VPS13A: variants seen among roughly 807,000 people sequenced by gnomAD.
The protein encoded by VPS13A is intermembrane lipid transfer protein VPS13A.
VPS13A carries 264 observed loss-of-function variants against 390.9 expected under a neutral mutation model. That is an observed-to-expected ratio of 0.68 (90% CI 0.61 to 0.75). The LOEUF (loss-of-function observed/expected upper bound fraction) is 0.75, where lower values mean the gene tolerates loss of function less well. Among genes scored for constraint, VPS13A ranks in the 30% least tolerant of loss-of-function variants. VPS13A has a pLI of 0.00. For missense variants in VPS13A, 3,409 were observed against 3,733.9 expected, an observed-to-expected ratio of 0.91 and a Z score of 2.27; for synonymous variants, 1,231 against 1,227.1, an observed-to-expected ratio of 1.00 and a Z score of -0.07.
At chr9:77,231,883 C>T (rs1459052931) in intron 17 of VPS13A, among the ~76,000 whole-genome samples, 3 of 152,092 alleles carry the variant, frequency 2.0e-5, no homozygotes, top group Non-Finnish European at 4.4e-5. Context: ...ATACTTCTGT[C>T]GCTTACATAT....
intron 23 of VPS13A, among the ~76,000 whole-genome samples, chr9:77,273,015 G>C (rs369435965): frequency 6.6e-6 from 1 of 152,082 alleles, no homozygotes; most frequent in South Asian, 2.1e-4. Flanking sequence ...TAAAATATAA[G>C]ATCTGTTTCT....
chr9:77,295,269 A>G (rs1290427720), intron 32 of VPS13A, among the ~76,000 whole-genome samples: 1 of 152,144 alleles, frequency 6.6e-6, no homozygotes, highest in African/African-American at 2.4e-5. Context: ...GGAAAGTGAG[A>G]TAAGGGAAGT....
At chr9:77,362,913 G>A (rs2131570747) in intron 59 of VPS13A, among the ~76,000 whole-genome samples, 1 of 151,866 alleles carries the variant, frequency 6.6e-6, no homozygotes, top group South Asian at 2.1e-4. Flanking sequence ...TTTTTGGATT[G>A]TTCATTGCTA....
At chr9:77,215,826 T>A (rs1314586741) in intron 10 of VPS13A, among the ~76,000 whole-genome samples, 1 of 152,248 alleles carries the variant, frequency 6.6e-6, no homozygotes, top group African/African-American at 2.4e-5. Context: ...CTTCACTCTC[T>A]GGAACTTTCT....
At position 77,220,337 on chromosome 9, in the gene VPS13A, A is replaced by C; in HGVS notation, c.943A>C (p.Arg315=). 1 of 1,612,626 alleles carries C rather than the reference A, an allele frequency of 6.2e-7. No homozygotes were observed. The highest frequency in any genetic ancestry group is 8.5e-7 in the Non-Finnish European group (1 of 1,179,280). ...TATGATGGCACAAAATCTGCCATAT[A>C]GGAAGTTCAAACCTGATGTGCCTCT... is the stretch of plus-strand genomic sequence containing the variant. The part of the protein sequence containing the change: ...VDMMAQNLPY[R]KFKPDVPLHH... Residue 315 remains arginine, a synonymous_variant, in exon 12 of 72, where the codon AGG becomes CGG. Coordinates refer to ENST00000360280, the MANE Select transcript of VPS13A (RefSeq NM_033305.3).
chr9:77,414,120 A>C (rs1835064678), intron 71 of VPS13A, among the ~76,000 whole-genome samples: 1 of 152,212 alleles, frequency 6.6e-6, no homozygotes, highest in African/African-American at 2.4e-5. Flanking sequence ...GAGAAATAGG[A>C]ACACTTTTAT....
chr9:77,350,220 C>T (rs913103044), intron 52 of VPS13A, among the ~76,000 whole-genome samples: 10 of 152,062 alleles, frequency 6.6e-5, no homozygotes, highest in African/African-American at 1.9e-4. Context: ...TTCTTACTTT[C>T]TTGTGAATAT....
At chr9:77,223,378 A>T (rs534990273) in intron 13 of VPS13A, among the ~76,000 whole-genome samples, 1 of 152,290 alleles carries the variant, frequency 6.6e-6, no homozygotes, top group South Asian at 2.1e-4. Flanking sequence ...GAAATAATTA[A>T]GCTTAGTGAG....
At chr9:77,406,972 G>A (rs77488128) in intron 70 of VPS13A, among the ~76,000 whole-genome samples, 13,322 of 151,998 alleles carry the variant, frequency 0.088, 686 homozygotes, top group Middle Eastern at 0.11. Context: ...TAATACCAAC[G>A]GAGCATAAAT....
chr9:77,232,445 T>C (rs889742831), intron 17 of VPS13A, among the ~76,000 whole-genome samples: 14 of 152,226 alleles, frequency 9.2e-5, no homozygotes, highest in Admixed American at 6.5e-4. Context: ...TCTGTTTTTA[T>C]GAAGAGTTTC....
chr9:77,287,088 G>C (rs1417418214), intron 31 of VPS13A, among the ~76,000 whole-genome samples: 2 of 149,360 alleles, frequency 1.3e-5, no homozygotes, highest in Non-Finnish European at 3.0e-5. Context: ...TAATTTACCA[G>C]TATTTATATA....
chr9:77,386,259 A>G (rs947514906), intron 68 of VPS13A, among the ~76,000 whole-genome samples: 1 of 152,208 alleles, frequency 6.6e-6, no homozygotes, highest in Non-Finnish European at 1.5e-5. Context: ...AAATCTAGAA[A>G]GAATACTGCC....
At chr9:77,207,756 A>G (rs1028856509) in intron 5 of VPS13A, among the ~76,000 whole-genome samples, 1 of 152,068 alleles carries the variant, frequency 6.6e-6, no homozygotes, top group Non-Finnish European at 1.5e-5. Flanking sequence ...GATTTAAATC[A>G]GTTCTTGTGT....
intron 45 of VPS13A, among the ~76,000 whole-genome samples, chr9:77,329,650 A>G (rs996034470): frequency 6.6e-6 from 1 of 152,230 alleles, no homozygotes. Flanking sequence ...ACAGTGAGGC[A>G]CTTAGTGAGC....
intron 45 of VPS13A, among the ~76,000 whole-genome samples, chr9:77,331,063 A>C (rs1830251223): frequency 1.3e-5 from 2 of 152,050 alleles, no homozygotes; most frequent in Admixed American, 1.3e-4. Context: ...TATTTTAATG[A>C]TGTTACATGA....
In VPS13A at chr9:77,228,262, A is replaced by G; in HGVS notation, c.1593A>G (p.Ile531Met). ...LIVQRPGAQA[I>M]KFETKIDSFH... The stretch of plus-strand genomic sequence containing the variant: ...TGCAAAGACCAGGAGCACAAGCAAT[A>G]AAGTAAGTATTAATTTATCTTTTTT... Residue 531 changes from isoleucine to methionine, a missense_variant and splice_region_variant, in exon 17 of 72, where the codon ATA becomes ATG. Physicochemically the swap from Ile to Met is conservative, Grantham distance 10. Coordinates refer to ENST00000360280, the MANE Select transcript of VPS13A (RefSeq NM_033305.3). 1 of 1,589,152 alleles carries G rather than the reference A, an allele frequency of 6.3e-7. No individual in the cohort carries two copies. Among genetic ancestry groups the G allele is most frequent in the Non-Finnish European group, 8.6e-7 (1 of 1,166,518 alleles).
At chr9:77,238,498 C>A in intron 19 of VPS13A, 112 bp downstream of exon 19, 1 of 876,562 alleles carries the variant, frequency 1.1e-6, no homozygotes, top group Non-Finnish European at 1.8e-6. Flanking sequence ...TATTTCTAGA[C>A]TGGTTTTAGT....
intron 53 of VPS13A, among the ~76,000 whole-genome samples, 155 bp downstream of exon 53, chr9:77,351,601 T>C (rs925316775): frequency 6.6e-6 from 1 of 152,200 alleles, no homozygotes; most frequent in Non-Finnish European, 1.5e-5. Flanking sequence ...TGAAACCCTG[T>C]CTCTCCTAAA....
At chr9:77,353,376 G>A (rs1327451441) in intron 53 of VPS13A, 33 bp from the exon 54 acceptor site, 3 of 1,257,456 alleles carry the variant, frequency 2.4e-6, no homozygotes, top group Non-Finnish European at 3.4e-6. Context: ...CTAATTTTTT[G>A]GTTTTTTTTT....
Sources: gnomAD v4.1 joint callset for allele counts (sites outside exome capture counted in the v4.1 genomes callset) on GRCh38, gnomAD v4.1.1 for gene constraint, MANE v1.5 for transcripts, NCBI Gene and HGNC (gene_info 2026-07-23, HGNC 2026-07-21) for gene names.